Variants in DOCK2 observed in about 807,000 individuals in gnomAD.
DOCK2 encodes dedicator of cytokinesis protein 2.
A neutral mutation model predicts 248.9 loss-of-function variants in DOCK2; 87 were observed. The ratio of observed to expected loss-of-function variants is 0.35; its 90% CI spans 0.29 to 0.42. DOCK2 has a LOEUF of 0.42. Among genes scored for constraint, DOCK2 ranks in the 10% least tolerant of loss-of-function variants. The pLI is 1.00. For synonymous variants in DOCK2, 805 were observed against 821.6 expected, an observed-to-expected ratio of 0.98 and a Z score of 0.35; for missense variants, 1,747 against 2,300.2, an observed-to-expected ratio of 0.76 and a Z score of 4.92.
intron 41 of DOCK2, among the ~76,000 whole-genome samples, chr5:170,052,624 G>A (rs1756958924): frequency 6.6e-6 from 1 of 152,172 alleles, no homozygotes; most frequent in African/African-American, 2.4e-5. Flanking sequence ...AGGTTACAAA[G>A]CTAGTTAGTG....
intron 27 of DOCK2, among the ~76,000 whole-genome samples, chr5:169,949,953 T>C (rs1776593976): frequency 6.6e-6 from 1 of 152,148 alleles, no homozygotes; most frequent in African/African-American, 2.4e-5. Flanking sequence ...GCTTAGATTA[T>C]CCTCTGGCAG....
intron 27 of DOCK2, among the ~76,000 whole-genome samples, chr5:169,870,245 G>A (rs1027122500): frequency 6.6e-6 from 1 of 152,166 alleles, no homozygotes; most frequent in African/African-American, 2.4e-5. Flanking sequence ...CCCTCTTGGG[G>A]GTACCTCACT....
chr5:169,674,278 G>A lies in DOCK2; in HGVS notation c.322-19G>A. 1 of 1,613,152 alleles carries A rather than the reference G, an allele frequency of 6.2e-7. No homozygotes were observed. Among genetic ancestry groups the A allele is most frequent in the Non-Finnish European group, 8.5e-7 (1 of 1,179,626 alleles). Reference sequence around the variant, plus strand: ...GCCCCTTTAACACAGGTAATTATGGGTTGTTTCTTGTCTCCTAGGCCAGCA... The same window carrying A: ...GCCCCTTTAACACAGGTAATTATGGATTGTTTCTTGTCTCCTAGGCCAGCA... On this transcript the variant is annotated intron_variant, in intron 5 of 51. Coordinates refer to ENST00000520908, the MANE Select transcript of DOCK2 (RefSeq NM_004946.3).
chr5:169,983,641 G>A (rs972797679), intron 28 of DOCK2, among the ~76,000 whole-genome samples: 2 of 152,154 alleles, frequency 1.3e-5, no homozygotes, highest in African/African-American at 2.4e-5. Flanking sequence ...TTCTATCTCT[G>A]CAGCTGATGA....
At chr5:169,681,260 A>G (rs1759647981) in intron 6 of DOCK2, among the ~76,000 whole-genome samples, 1 of 151,300 alleles carries the variant, frequency 6.6e-6, no homozygotes, top group South Asian at 2.1e-4. Context: ...AGTAGCTGGG[A>G]TTACAGGAGC....
At chr5:169,938,797 A>C (rs986476066) in intron 27 of DOCK2, among the ~76,000 whole-genome samples, 1 of 151,810 alleles carries the variant, frequency 6.6e-6, no homozygotes, top group Non-Finnish European at 1.5e-5. Flanking sequence ...TTAACTTTTT[A>C]CTCTTTTGTA....
rs1459863903 is a variant in DOCK2 at position 169,717,438 on chromosome 5, C to T, written c.2086C>T (p.Leu696=). ...GAAATTTCAGCATTTCAACACCGTT[C>T]TGGAGGCTTACATCCAACAGCATTT... ...DRKFQHFNTV[L]EAYIQQHFSA... is the part of the protein sequence containing the mutation. The change falls in exon 21 of 52, where the codon CTG becomes TTG. Residue 696 remains leucine, a synonymous_variant. Transcript: ENST00000520908. 2 of 1,613,786 alleles carry T rather than the reference C, an allele frequency of 1.2e-6. No homozygotes were observed. The highest frequency in any genetic ancestry group is 1.7e-6 in the Non-Finnish European group (2 of 1,179,836).
chr5:169,864,118 C>T (rs540560268), intron 27 of DOCK2: 5 of 672,946 alleles, frequency 7.4e-6, no homozygotes, highest in South Asian at 1.9e-5. Context: ...TGTCCAGCAG[C>T]GGCTACATCA....
At chr5:169,893,617 T>C (rs1366687178) in intron 27 of DOCK2, among the ~76,000 whole-genome samples, 1 of 152,112 alleles carries the variant, frequency 6.6e-6, no homozygotes, top group East Asian at 1.9e-4. Flanking sequence ...GTCAGAGGAA[T>C]AGCTCTGTGT....
chr5:169,809,027 T>A (rs574930656), intron 26 of DOCK2, among the ~76,000 whole-genome samples: 1 of 152,122 alleles, frequency 6.6e-6, no homozygotes, highest in South Asian at 2.1e-4. Flanking sequence ...GGTCTCACTC[T>A]GTTGCCCAGG....
At position 169,652,187 on chromosome 5, in the gene DOCK2, C is replaced by T. The variant is rs148697585; in HGVS notation, c.44-2216C>T. Among the ~76,000 whole-genome samples, 8 of 152,310 alleles carry T rather than the reference C, an allele frequency of 5.3e-5. No homozygotes were observed. In the East Asian group the frequency reaches 1.5e-3, roughly 29 times the overall value. On this transcript the variant is annotated intron_variant, in intron 1 of 51. Coordinates refer to ENST00000520908, the MANE Select transcript of DOCK2 (RefSeq NM_004946.3). ...TCCTACAGTGCCTTTGTGTGGATTA[C>T]AAAAAGATATCCTTCCTCTGGTGGG...
chr5:169,666,974 C>T (rs549737176), intron 2 of DOCK2, among the ~76,000 whole-genome samples: 6 of 152,122 alleles, frequency 3.9e-5, no homozygotes, highest in Non-Finnish European at 7.3e-5. Context: ...AGAATCCTGT[C>T]GTCAGGAGTG....
intron 30 of DOCK2, among the ~76,000 whole-genome samples, chr5:170,001,693 G>A (rs978404397): frequency 1.3e-5 from 2 of 152,188 alleles, no homozygotes; most frequent in African/African-American, 2.4e-5. Flanking sequence ...TCCCAAGCAC[G>A]TGCTGGCTCA....
intron 2 of DOCK2, among the ~76,000 whole-genome samples, chr5:169,659,723 C>T (rs1202424774): frequency 6.6e-6 from 1 of 152,228 alleles, no homozygotes; most frequent in Middle Eastern, 3.2e-3. Context: ...CATATTATAT[C>T]TCTCATGCTG....
chr5:169,890,126 T>C (rs1773198834), intron 27 of DOCK2, among the ~76,000 whole-genome samples: 1 of 152,384 alleles, frequency 6.6e-6, no homozygotes, highest in Admixed American at 6.5e-5. Context: ...ACTGGAACCC[T>C]GTCTTCCTGC....
intron 9 of DOCK2, among the ~76,000 whole-genome samples, chr5:169,693,025 G>T (rs890203857): frequency 6.6e-6 from 1 of 152,134 alleles, no homozygotes; most frequent in African/African-American, 2.4e-5. Context: ...GTGTGGGGGT[G>T]GGGGAGCAAT....
At chr5:169,683,146 G>A (rs1759760036) in intron 7 of DOCK2, among the ~76,000 whole-genome samples, 1 of 152,204 alleles carries the variant, frequency 6.6e-6, no homozygotes, top group Admixed American at 6.5e-5. Flanking sequence ...GCAATACTTA[G>A]CAGTGGGATT....
At chr5:169,894,228 A>G (rs997021205) in intron 27 of DOCK2, among the ~76,000 whole-genome samples, 2 of 152,158 alleles carry the variant, frequency 1.3e-5, no homozygotes, top group African/African-American at 4.8e-5. Flanking sequence ...GAGGTGCGAG[A>G]TTTGCCCAAG....
At position 169,637,330 on chromosome 5, in the gene DOCK2, GC is replaced by G. The variant is rs1379351474; in HGVS notation, c.9del (p.Trp4GlyfsTer47). MAPWRKADKERH... is the reference protein window; with the variant it reads MXPWRKADKERH... Reference sequence around the variant, plus strand: ...GACGCGAGGCCCCGGCCCAGCCATGGCCCCCTGGCGCAAAGCTGACAAGGAG... The same window carrying G: ...GACGCGAGGCCCCGGCCCAGCCATGGCCCCTGGCGCAAAGCTGACAAGGAG... On this transcript the variant is annotated frameshift_variant, in exon 1 of 52. Transcript: ENST00000520908. LOFTEE classifies it high-confidence loss of function. 9.1e-6 allele frequency: 13 copies of G among 1,423,712 alleles called. No individual in the cohort carries two copies. Among genetic ancestry groups the G allele is most frequent in the South Asian group, 5.7e-5 (4 of 69,874 alleles). The allele number at this position is 1,423,712 out of a possible 1,614,324, so 88.2% of individuals were successfully genotyped here. A position where few individuals can be genotyped will look rare whatever the true frequency, so the allele number is the denominator to read the frequency against.
Sources: gnomAD v4.1 joint callset for allele counts (sites outside exome capture counted in the v4.1 genomes callset) on GRCh38, gnomAD v4.1.1 for gene constraint, MANE v1.5 for transcripts, NCBI Gene and HGNC (gene_info 2026-07-23, HGNC 2026-07-21) for gene names.